Variants in MYO7A observed in about 807,000 individuals in gnomAD.
The protein encoded by MYO7A is myosin VIIA.
MYO7A carries 210 observed loss-of-function variants against 263.8 expected under a neutral mutation model. The observed-to-expected ratio is 0.80, with a 90% CI of 0.71 to 0.89. The LOEUF (loss-of-function observed/expected upper bound fraction) is 0.89, where lower values mean the gene tolerates loss of function less well. MYO7A is among the 40% of genes least tolerant of loss of function. The pLI is 0.00. For missense variants in MYO7A, 2,820 were observed against 2,968.3 expected (o/e 0.95, Z 1.16); for synonymous variants, 1,239 against 1,197.3 (o/e 1.03, Z -0.72).
At chr11:77,130,455 G>A (rs782437868) in intron 1 of MYO7A, 134 bp from the exon 2 acceptor site, 15 of 648,766 alleles carry the variant, frequency 2.3e-5, no homozygotes, top group Non-Finnish European at 3.5e-5. Context: ...GTGGTCAGAG[G>A]GAGAGAAGCC....
intron 30 of MYO7A, 92 bp from the exon 31 acceptor site, chr11:77,191,959 G>C (rs1278627156): frequency 8.3e-6 from 10 of 1,203,566 alleles, no homozygotes; most frequent in Non-Finnish European, 1.1e-5. Flanking sequence ...CTGGGCCTCC[G>C]TTTTCTGTCT....
At chr11:77,151,936 G>A (rs146038005) in intron 4 of MYO7A, among the ~76,000 whole-genome samples, 93 of 152,296 alleles carry the variant, frequency 6.1e-4, no homozygotes, top group African/African-American at 2.1e-3. Context: ...AGGGTGTCTC[G>A]TTCACCCTAC....
At chr11:77,211,648 G>A (rs1415230711) in intron 45 of MYO7A, among the ~76,000 whole-genome samples, 173 bp from the exon 46 acceptor site, 1 of 152,178 alleles carries the variant, frequency 6.6e-6, no homozygotes, top group African/African-American at 2.4e-5. Flanking sequence ...CTGAAATATG[G>A]GGAGAGCCCT....
intron 27 of MYO7A, 166 bp downstream of exon 27, chr11:77,184,881 C>T (rs782187163): frequency 9.4e-6 from 11 of 1,174,790 alleles, no homozygotes. Context: ...TCTTTCTAAG[C>T]CTCTGATTCC....
At chr11:77,206,042 C>T (rs893939838) in intron 40 of MYO7A, 55 bp from the exon 41 acceptor site, 4 of 1,396,006 alleles carry the variant, frequency 2.9e-6, no homozygotes, top group Admixed American at 1.9e-5. Flanking sequence ...GTCCCGGTCC[C>T]CTGGTCTCCA....
At chr11:77,176,750 T>C (rs996132170) in intron 18 of MYO7A, among the ~76,000 whole-genome samples, 3 of 152,188 alleles carry the variant, frequency 2.0e-5, no homozygotes, top group Admixed American at 6.5e-5. Flanking sequence ...GTGTCTGTGA[T>C]TATCTGATGG....
At chr11:77,170,011 C>A (rs1199566510) in intron 15 of MYO7A, among the ~76,000 whole-genome samples, 6 of 152,168 alleles carry the variant, frequency 3.9e-5, no homozygotes, top group Non-Finnish European at 7.3e-5. Context: ...GTCGAGGCTG[C>A]AATGAGCCAA....
At chr11:77,194,275 G>T in intron 31 of MYO7A, 79 bp from the exon 32 acceptor site, 14 of 1,502,352 alleles carry the variant, frequency 9.3e-6, no homozygotes, top group Non-Finnish European at 1.3e-5. Context: ...CAGGAGAGGG[G>T]CCTGGAGCCT....
chr11:77,152,969 T>C (rs1002876480), intron 4 of MYO7A, among the ~76,000 whole-genome samples: 2 of 151,920 alleles, frequency 1.3e-5, no homozygotes, highest in Admixed American at 1.3e-4. Flanking sequence ...TGGTTGTGAG[T>C]TGAGGTTGAC....
At chr11:77,196,613 G>A (rs1259142421) in intron 32 of MYO7A, among the ~76,000 whole-genome samples, 1 of 152,196 alleles carries the variant, frequency 6.6e-6, no homozygotes. Flanking sequence ...CACTTGCTCA[G>A]TGATTTGTCT....
Position 77,194,458 on chromosome 11 carries a change from C to T in MYO7A, c.4257C>T (p.Asp1419=), listed in dbSNP as rs1455526301. The T allele has an allele frequency of 6.2e-7, 1 of 1,610,528 alleles. No individual in the cohort carries two copies. The highest frequency in any genetic ancestry group is 8.5e-7 in the Non-Finnish European group (1 of 1,178,570). ...ACCTCGTGCCCACCTACATCCCCGA[C>T]CGCGAGATCACGCCCCTGAAGACGC... ...LLNLVPTYIP[D]REITPLKTLE... Residue 1419 remains aspartate, a synonymous_variant, in exon 32 of 49, where the codon GAC becomes GAT. Coordinates refer to ENST00000409709, the MANE Select transcript of MYO7A (RefSeq NM_000260.4).
At chr11:77,175,502 G>C in intron 18 of MYO7A, 38 bp downstream of exon 18, 2 of 1,590,448 alleles carry the variant, frequency 1.3e-6, no homozygotes, top group South Asian at 2.2e-5. Flanking sequence ...CCCTGGGGGG[G>C]CTGTAAATTC....
At chr11:77,151,027 G>A (rs1026520704) in intron 4 of MYO7A, among the ~76,000 whole-genome samples, 14 of 152,308 alleles carry the variant, frequency 9.2e-5, no homozygotes, top group South Asian at 2.1e-4. Context: ...GCCTTGGGCC[G>A]GCGGATGCTC....
chr11:77,156,889 A>G lies in MYO7A; in HGVS notation c.620A>G (p.Asn207Ser), dbSNP rs878853235. The change falls in exon 7 of 49, where the codon AAT (asparagine) becomes AGT (serine). Residue 207 changes from asparagine to serine, a missense_variant. Physicochemically the swap from Asn to Ser is conservative, Grantham distance 46. Transcript: ENST00000409709. ...EAFGNAKTIRNDNSSRFGKYI... is the reference protein window; with the variant it reads ...EAFGNAKTIRSDNSSRFGKYI... ...TTTGGGAATGCCAAGACCATCCGCA[A>G]TGACAACTCAAGCCGTTTCGGAAAG... 4 of 1,613,990 alleles carry G rather than the reference A, an allele frequency of 2.5e-6. No individual in the cohort carries two copies. The highest frequency in any genetic ancestry group is 2.5e-6 in the Non-Finnish European group (3 of 1,179,892).
chr11:77,164,151 A>C (rs904645367), intron 14 of MYO7A, among the ~76,000 whole-genome samples: 1 of 152,176 alleles, frequency 6.6e-6, no homozygotes. Flanking sequence ...GTTCACGTTA[A>C]AGCTGGAAGT....
chr11:77,135,959 C>G (rs1555047244), intron 2 of MYO7A, among the ~76,000 whole-genome samples: 1 of 152,136 alleles, frequency 6.6e-6, no homozygotes, highest in African/African-American at 2.4e-5. Flanking sequence ...ACTCTGTCAC[C>G]CAGGCTGGTG....
intron 3 of MYO7A, among the ~76,000 whole-genome samples, 158 bp downstream of exon 3, chr11:77,142,980 C>T (rs1003514126): frequency 1.2e-4 from 18 of 152,188 alleles, no homozygotes; most frequent in African/African-American, 3.9e-4. Flanking sequence ...TTCCCCAGCA[C>T]CCCAACAAGA....
At position 77,161,001 on chromosome 11, in the gene MYO7A, T is replaced by C. The variant is rs1952941890; in HGVS notation, c.1229T>C (p.Ile410Thr). The C allele has an allele frequency of 1.2e-6, 2 of 1,611,626 alleles. No homozygotes were observed. Among genetic ancestry groups the C allele is most frequent in the African/African-American group, 1.3e-5 (1 of 74,930 alleles). ...KGIYGRLFVW[I>T]VDKINAAIYK... ...ATCTACGGGCGGCTGTTCGTGTGGA[T>C]TGTGGACAAGATCAACGCAGCAATT... The change falls in exon 12 of 49, where the codon ATT becomes ACT. Residue 410 changes from isoleucine to threonine, a missense_variant. Coordinates refer to ENST00000409709, the MANE Select transcript of MYO7A (RefSeq NM_000260.4).
chr11:77,214,868 A>T lies in MYO7A; in HGVS notation c.*172A>T. ...GCCTCTGATGTTCTTCCAGTGAGGC[A>T]TCTCTCTGGGATGCAGAACTTCCCT... On this transcript the variant is annotated 3_prime_UTR_variant, in exon 49 of 49. Transcript: ENST00000409709. 1 of 591,438 alleles carries T rather than the reference A, an allele frequency of 1.7e-6. No homozygotes were observed. The highest frequency in any genetic ancestry group is 3.0e-6 in the Non-Finnish European group (1 of 334,756). 36.6% of individuals were successfully genotyped at this position (591,438 alleles called of 1,614,324 possible). A position where few individuals can be genotyped will look rare whatever the true frequency, so the allele number is the denominator to read the frequency against.
Sources: gnomAD v4.1 joint callset for allele counts (sites outside exome capture counted in the v4.1 genomes callset) on GRCh38, gnomAD v4.1.1 for gene constraint, MANE v1.5 for transcripts, NCBI Gene and HGNC (gene_info 2026-07-23, HGNC 2026-07-21) for gene names.